The following ZNF827 variants were observed in gnomAD, a reference collection of about 807,000 sequenced individuals.
ZNF827 encodes the protein zinc finger protein 827.
A neutral mutation model predicts 102.4 loss-of-function variants in ZNF827; 13 were observed. The ratio of observed to expected loss-of-function variants is 0.13; its 90% CI spans 0.08 to 0.20. ZNF827 has a LOEUF of 0.20. Among genes scored for constraint, ZNF827 ranks in the 10% least tolerant of loss-of-function variants. The pLI is 1.00. For missense variants in ZNF827, 1,103 were observed against 1,344.4 expected, an observed-to-expected ratio of 0.82 and a Z score of 2.81; for synonymous variants, 523 against 536.2, an observed-to-expected ratio of 0.98 and a Z score of 0.34.
chr4:145,927,052 G>C (rs928111766), intron 1 of ZNF827, among the ~76,000 whole-genome samples: 1 of 152,086 alleles, frequency 6.6e-6, no homozygotes, highest in Non-Finnish European at 1.5e-5. Context: ...CTCTAGAAGG[G>C]AGAAATCATA....
intron 8 of ZNF827, among the ~76,000 whole-genome samples, chr4:145,807,815 A>C (rs1455358485): frequency 2.6e-5 from 4 of 151,964 alleles, no homozygotes; most frequent in African/African-American, 7.2e-5. Flanking sequence ...AAAAAACAAA[A>C]AACAAAAAAC....
chr4:145,767,880 A>G lies in ZNF827; in HGVS notation c.2861-2142T>C, dbSNP rs376140660. ...TTCAAAGCCCAGGCAGAAGAAAATG[A>G]AACCAGATATAAAACTGATCTACAC... On this transcript the variant is annotated intron_variant, in intron 11 of 14. Coordinates refer to ENST00000508784, the MANE Select transcript of ZNF827 (RefSeq NM_001306215.2). 8.6e-4 allele frequency among the ~76,000 whole-genome samples: 124 copies of G among 143,850 alleles called. 2 individuals are homozygous for G. The highest frequency in any genetic ancestry group is 3.0e-3 in the African/African-American group (118 of 38,692). 94.4% of individuals were successfully genotyped at this position (143,850 alleles called of 152,430 possible). A position where few individuals can be genotyped will look rare whatever the true frequency, so the allele number is the denominator to read the frequency against.
chr4:145,870,519 C>G, intron 4 of ZNF827, 41 bp from the exon 5 acceptor site: 1 of 1,555,456 alleles, frequency 6.4e-7, no homozygotes, highest in East Asian at 2.2e-5. Context: ...CATAAAAGGC[C>G]ACTCCCCTCC....
At chr4:145,846,391 T>C (rs1250057279) in intron 6 of ZNF827, among the ~76,000 whole-genome samples, 2 of 152,106 alleles carry the variant, frequency 1.3e-5, no homozygotes, top group Middle Eastern at 3.4e-3. Flanking sequence ...GGCAGGAGAA[T>C]GGCGTGAACC....
rs550138272 is a variant in ZNF827, at chr4:145,772,986, T to C, written c.2860+1520A>G. On this transcript the variant is annotated intron_variant, in intron 11 of 14. Transcript: ENST00000508784. Reference sequence around the variant, plus strand: ...CTTCTGCCTAGCCATATGGTTTCTATGGTTTCTATGGTGGTATGGGTGTGG... The same window carrying C: ...CTTCTGCCTAGCCATATGGTTTCTACGGTTTCTATGGTGGTATGGGTGTGG... 5.3e-5 allele frequency among the ~76,000 whole-genome samples: 8 copies of C among 152,254 alleles called. No individual in the cohort carries two copies. The East Asian group carries it at 1.5e-3, about 29-fold the overall frequency.
At chr4:145,937,411 T>C (rs1754272309) in intron 1 of ZNF827, among the ~76,000 whole-genome samples, 1 of 151,650 alleles carries the variant, frequency 6.6e-6, no homozygotes, top group Non-Finnish European at 1.5e-5. Context: ...TGACCCCGCA[T>C]TTTATTGCGG....
chr4:145,760,712 G>C lies in ZNF827; in HGVS notation c.*904C>G, dbSNP rs113803494. 3.8e-4 allele frequency: 385 copies of C among 1,014,608 alleles called. 1 individual carries two copies. The African/African-American group carries it at 7.6e-3, about 20-fold the overall frequency. The allele number at this position is 1,014,608 out of a possible 1,614,324, so 62.9% of individuals were successfully genotyped here. On this transcript the variant is annotated 3_prime_UTR_variant, in exon 15 of 15. Transcript: ENST00000508784. ...ATACACCTGCTGGGGTTGTGTTTAA[G>C]TTTTGTGGTTTTTTTTTTTTTTTTT...
chr4:145,833,609 G>T (rs1374088045), intron 7 of ZNF827, among the ~76,000 whole-genome samples: 1 of 151,892 alleles, frequency 6.6e-6, no homozygotes, highest in Non-Finnish European at 1.5e-5. Flanking sequence ...CTTTTCTACG[G>T]GGCAAGAACC....
At chr4:145,936,188 CCGA>C (rs1161474042) in intron 1 of ZNF827, among the ~76,000 whole-genome samples, 1 of 151,986 alleles carries the variant, frequency 6.6e-6, no homozygotes, top group Non-Finnish European at 1.5e-5. Context: ...CCACACGCCC[CCGA>C]CAAGAGCCCG....
At chr4:145,884,949 T>TG (rs1489516566) in intron 4 of ZNF827, among the ~76,000 whole-genome samples, 3 of 152,070 alleles carry the variant, frequency 2.0e-5, no homozygotes, top group Non-Finnish European at 4.4e-5. Context: ...CCAGGGCCTG[T>TG]GGGGGAAGAG....
chr4:145,837,747 T>TCTCCTTAG (rs1745000767), intron 7 of ZNF827, among the ~76,000 whole-genome samples: 1 of 152,236 alleles, frequency 6.6e-6, no homozygotes, highest in Non-Finnish European at 1.5e-5. Flanking sequence ...AGACCTTTTA[T>TCTCCTTAG]ACCTGTTTTT....
intron 8 of ZNF827, among the ~76,000 whole-genome samples, chr4:145,813,734 G>A (rs765724160): frequency 5.9e-5 from 9 of 152,332 alleles, no homozygotes; most frequent in Non-Finnish European, 1.0e-4. Context: ...CCCCCTTGCC[G>A]GCAGTGGCCT....
intron 7 of ZNF827, chr4:145,839,050 C>T (rs1191330009): frequency 2.0e-5 from 3 of 152,098 alleles, no homozygotes; most frequent in African/African-American, 7.2e-5. Flanking sequence ...AGGTTGTATG[C>T]AATATTGTAG....
Position 145,902,876 on chromosome 4 carries a change from T to C in ZNF827, c.383A>G (p.Glu128Gly), listed in dbSNP as rs747612285. ...PLSSNLRRLL[E>G]AGSLKLDAAA... ...AGCATCGAGTTTGAGGGAACCAGCC[T>C]CCAGCAGCCGCCTCAAATTGCTGCT... Residue 128 changes from glutamate (E) to glycine (G), a missense_variant, in exon 2 of 15, where the codon GAG becomes GGG. Around this residue, in one of 5 missense-constraint regions of ZNF827, gnomAD observed 441 missense variants for 458.6 expected, o/e 0.96. Transcript: ENST00000508784. The surrounding 1 kb of genome is among the most constrained non-coding windows in gnomAD (Gnocchi z 4.3). 6.2e-7 allele frequency: 1 copy of C among 1,614,140 alleles called. No individual in the cohort carries two copies. The highest frequency in any genetic ancestry group is 8.5e-7 in the Non-Finnish European group (1 of 1,180,018).
intron 4 of ZNF827, among the ~76,000 whole-genome samples, chr4:145,872,344 G>A (rs1748767842): frequency 6.6e-6 from 1 of 152,052 alleles, no homozygotes; most frequent in African/African-American, 2.4e-5. Flanking sequence ...GAGACACCAG[G>A]GATGCACGCA....
intron 1 of ZNF827, among the ~76,000 whole-genome samples, chr4:145,918,405 T>C (rs1268050018): frequency 6.7e-6 from 1 of 149,390 alleles, no homozygotes; most frequent in African/African-American, 2.5e-5. Flanking sequence ...AGGTACTTTT[T>C]CTTTATATAT....
At chr4:145,928,724 T>C (rs1477271033) in intron 1 of ZNF827, among the ~76,000 whole-genome samples, 3 of 152,212 alleles carry the variant, frequency 2.0e-5, no homozygotes, top group Non-Finnish European at 4.4e-5. Context: ...CCATCAAATG[T>C]GCTATACAAC....
Position 145,763,029 on chromosome 4 carries a change from A to G in ZNF827, c.*17+61T>C. 1 of 1,459,522 alleles carries G rather than the reference A, an allele frequency of 6.9e-7. No individual in the cohort carries two copies. Among genetic ancestry groups the G allele is most frequent in the Non-Finnish European group, 9.2e-7 (1 of 1,083,370 alleles). 90.4% of individuals were successfully genotyped at this position (1,459,522 alleles called of 1,614,324 possible). On this transcript the variant is annotated intron_variant, in intron 14 of 14. Coordinates refer to ENST00000508784, the MANE Select transcript of ZNF827 (RefSeq NM_001306215.2). The surrounding 1 kb of genome is among the most constrained non-coding windows in gnomAD (Gnocchi z 4.6). ...CTCACAGAAGAGTGCACACGAGAGAAATATAAAGCCCATTCCCAGGTCAGG... is the reference window on the plus strand; with the variant it reads ...CTCACAGAAGAGTGCACACGAGAGAGATATAAAGCCCATTCCCAGGTCAGG...
At chr4:145,792,126 G>C (rs1213110681) in intron 8 of ZNF827, among the ~76,000 whole-genome samples, 1 of 152,172 alleles carries the variant, frequency 6.6e-6, no homozygotes, top group Non-Finnish European at 1.5e-5. Flanking sequence ...GTGCTAAGGA[G>C]GCCAATACCA....
Sources: gnomAD v4.1 joint callset for allele counts (sites outside exome capture counted in the v4.1 genomes callset) on GRCh38, gnomAD v4.1.1 for gene constraint, gnomAD v4.1.1 regional missense constraint, Gnocchi (gnomAD v3.1) non-coding constraint, MANE v1.5 for transcripts, NCBI Gene and HGNC (gene_info 2026-07-23, HGNC 2026-07-21) for gene names.